SLC36A1: variants seen among roughly 807,000 people sequenced by gnomAD.
SLC36A1 encodes solute carrier family 36 member 1.
SLC36A1 carries 30 observed loss-of-function variants against 47.5 expected under a neutral mutation model. The observed-to-expected ratio is 0.63, with a 90% CI of 0.47 to 0.86. The LOEUF (loss-of-function observed/expected upper bound fraction) is 0.86, where lower values mean the gene tolerates loss of function less well. SLC36A1 is among the 40% of genes least tolerant of loss of function. The probability of loss-of-function intolerance (pLI) is 0.00; values close to 1 mark genes in which losing one functional copy is unlikely to be tolerated. For missense variants in SLC36A1, 517 were observed against 606.0 expected (o/e 0.85, Z 1.54); for synonymous variants, 255 against 249.7 (o/e 1.02, Z -0.20).
chr5:151,474,368 A>G (rs1456597339), intron 8 of SLC36A1, among the ~76,000 whole-genome samples: 2 of 152,052 alleles, frequency 1.3e-5, no homozygotes, highest in Non-Finnish European at 2.9e-5. Flanking sequence ...TCAGGAAGGC[A>G]GGGTCTAGAG....
chr5:151,529,111 G>A, the SLC36A1 span: 2 of 1,340,838 alleles, frequency 1.5e-6, no homozygotes, highest in Non-Finnish European at 2.1e-6. Context: ...ATGGCTGGGT[G>A]TGGGGGTGAG....
chr5:151,422,856 C>T, the SLC36A1 span, among the ~76,000 whole-genome samples: 1 of 152,082 alleles, frequency 6.6e-6, no homozygotes, highest in South Asian at 2.1e-4. Flanking sequence ...GCAGGAGAAT[C>T]GCTTGAACAA....
the SLC36A1 span, among the ~76,000 whole-genome samples, chr5:151,524,744 C>T: frequency 1.3e-5 from 2 of 152,184 alleles, no homozygotes; most frequent in African/African-American, 2.4e-5. Flanking sequence ...ATGATGTTCT[C>T]AGTACCTCAG....
chr5:151,457,306 C>G (rs142375951), intron 1 of SLC36A1, among the ~76,000 whole-genome samples: 2 of 152,042 alleles, frequency 1.3e-5, no homozygotes, highest in East Asian at 3.9e-4. Context: ...AAGTAAGGGG[C>G]TTAGAGTGAC....
At chr5:151,553,192 A>G in the SLC36A1 span, 2 of 1,614,262 alleles carry the variant, frequency 1.2e-6, no homozygotes, top group Non-Finnish European at 1.7e-6. Flanking sequence ...ATGTTGAACC[A>G]GAAGAGTCCG....
chr5:151,353,020 A>G, the SLC36A1 span, among the ~76,000 whole-genome samples: 4 of 152,252 alleles, frequency 2.6e-5, no homozygotes, highest in Non-Finnish European at 5.9e-5. Context: ...ATCAAATTAG[A>G]GTCCTGCCTT....
the SLC36A1 span, chr5:151,526,117 GCC>G: frequency 1.2e-6 from 1 of 806,040 alleles, no homozygotes; most frequent in Non-Finnish European, 2.0e-6. Context: ...CATTCATTCT[GCC>G]TGCCTTTGAG....
chr5:151,413,756 C>T, the SLC36A1 span, among the ~76,000 whole-genome samples: 1 of 151,826 alleles, frequency 6.6e-6, no homozygotes, highest in Non-Finnish European at 1.5e-5. Context: ...ACTCAAGAGA[C>T]ATCATAAAAA....
chr5:151,538,106 A>G, the SLC36A1 span, among the ~76,000 whole-genome samples: 2 of 151,982 alleles, frequency 1.3e-5, no homozygotes, highest in African/African-American at 4.8e-5. Context: ...GAGAGAGAGA[A>G]AGAGAAGCAG....
the SLC36A1 span, among the ~76,000 whole-genome samples, chr5:151,533,328 A>G: frequency 6.6e-6 from 1 of 151,234 alleles, no homozygotes; most frequent in Non-Finnish European, 1.5e-5. Context: ...TGTATTCCAG[A>G]TCTCTCCTAT....
chr5:151,534,970 A>AATATATAT, the SLC36A1 span, among the ~76,000 whole-genome samples: 3,771 of 106,286 alleles, frequency 0.035, 207 homozygotes, highest in African/African-American at 0.04. Context: ...CTTCTAGGAA[A>AATATATAT]ATATATATAT....
the SLC36A1 span, among the ~76,000 whole-genome samples, chr5:151,418,854 C>G: frequency 6.6e-6 from 1 of 152,130 alleles, no homozygotes; most frequent in Non-Finnish European, 1.5e-5. Flanking sequence ...GGCTTTGTGT[C>G]CCAACCCAGA....
At chr5:151,363,851 G>GT in the SLC36A1 span, among the ~76,000 whole-genome samples, 84 of 152,222 alleles carry the variant, frequency 5.5e-4, no homozygotes, top group Non-Finnish European at 9.1e-4. Flanking sequence ...CACTTTTACT[G>GT]TAACATACAA....
chr5:151,508,952 A>G, the SLC36A1 span, among the ~76,000 whole-genome samples: 4 of 152,082 alleles, frequency 2.6e-5, no homozygotes, highest in African/African-American at 9.7e-5. Context: ...TATATTTTTC[A>G]TGTCTCTTTC....
chr5:151,386,099 C>T, the SLC36A1 span, among the ~76,000 whole-genome samples: 4 of 151,882 alleles, frequency 2.6e-5, no homozygotes, highest in Admixed American at 2.6e-4. Context: ...AGGCTGGTCT[C>T]AAACTCCTGA....
chr5:151,383,570 AATTTTT>A, the SLC36A1 span, among the ~76,000 whole-genome samples: 7 of 137,110 alleles, frequency 5.1e-5, no homozygotes, highest in African/African-American at 2.0e-4. Context: ...TTTTAACTTA[AATTTTT>A]TTTTTTTTTT....
At chr5:151,373,159 G>T in the SLC36A1 span, among the ~76,000 whole-genome samples, 8 of 151,732 alleles carry the variant, frequency 5.3e-5, no homozygotes, top group Admixed American at 2.6e-4. Context: ...AGAGCCGAGT[G>T]CAGTGGTGTA....
intron 10 of SLC36A1, 88 bp downstream of exon 10, chr5:151,479,577 G>A: frequency 6.8e-7 from 1 of 1,478,964 alleles, no homozygotes; most frequent in Non-Finnish European, 9.2e-7. Flanking sequence ...AATGTGTGTT[G>A]TAGTGAAGCT....
At chr5:151,360,782 G>A in the SLC36A1 span, among the ~76,000 whole-genome samples, 1 of 152,192 alleles carries the variant, frequency 6.6e-6, no homozygotes, top group African/African-American at 2.4e-5. Flanking sequence ...ATGCCAATTA[G>A]TTTTCTGACA....
Sources: gnomAD v4.1 joint callset for allele counts (sites outside exome capture counted in the v4.1 genomes callset) on GRCh38, gnomAD v4.1.1 for gene constraint, MANE v1.5 for transcripts, NCBI Gene and HGNC (gene_info 2026-07-23, HGNC 2026-07-21) for gene names.